The following MGAT4C variants were observed in gnomAD, a reference collection of about 807,000 sequenced individuals.
The protein encoded by MGAT4C is MGAT4 family member C.
Under a neutral mutation model 40.1 loss-of-function variants are expected in MGAT4C, and 19 were observed. That is an observed-to-expected ratio of 0.47 (90% CI 0.33 to 0.70). The LOEUF is 0.70. MGAT4C is among the 30% of genes least tolerant of loss of function. The pLI is 0.02. For missense variants in MGAT4C, 491 were observed against 563.2 expected, an observed-to-expected ratio of 0.87 and a Z score of 1.30; for synonymous variants, 181 against 187.1, an observed-to-expected ratio of 0.97 and a Z score of 0.27.
intron 1 of MGAT4C, among the ~76,000 whole-genome samples, chr12:86,806,720 G>A (rs1170813445): frequency 6.6e-6 from 1 of 152,042 alleles, no homozygotes; most frequent in East Asian, 1.9e-4. Context: ...CCTTTCTGGA[G>A]CTGGAAACCA....
intron 1 of MGAT4C, among the ~76,000 whole-genome samples, chr12:86,104,126 G>T (rs1266104160): frequency 6.6e-6 from 1 of 151,836 alleles, no homozygotes; most frequent in Non-Finnish European, 1.5e-5. Context: ...GTTGGAAATT[G>T]GGATAGATCA....
At chr12:86,638,993 AT>A (rs1431580987) in intron 2 of MGAT4C, among the ~76,000 whole-genome samples, 4 of 151,862 alleles carry the variant, frequency 2.6e-5, no homozygotes. Flanking sequence ...ATTTTAAAAA[AT>A]AATATTTCTA....
chr12:86,122,775 TGTGTATATGTTC>T (rs1316361424), intron 1 of MGAT4C, among the ~76,000 whole-genome samples: 3 of 144,136 alleles, frequency 2.1e-5, no homozygotes, highest in African/African-American at 8.0e-5. Flanking sequence ...TGTGTGTGTA[TGTGTATATGTTC>T]GTGTGTGTGT....
At chr12:86,344,458 C>T (rs1954972940) in intron 3 of MGAT4C, among the ~76,000 whole-genome samples, 1 of 152,098 alleles carries the variant, frequency 6.6e-6, no homozygotes, top group African/African-American at 2.4e-5. Context: ...GAAACATGAA[C>T]TGACTTCTGA....
At chr12:86,413,127 A>T (rs1295333419) in intron 3 of MGAT4C, among the ~76,000 whole-genome samples, 1 of 152,046 alleles carries the variant, frequency 6.6e-6, no homozygotes, top group African/African-American at 2.4e-5. Context: ...TGTGTGTCTG[A>T]TAAATAAAAA....
chr12:86,592,101 TTAAG>T (rs1961352769), intron 2 of MGAT4C, among the ~76,000 whole-genome samples: 1 of 152,068 alleles, frequency 6.6e-6, no homozygotes, highest in African/African-American at 2.4e-5. Flanking sequence ...TTAAGGAATC[TTAAG>T]TTAGGAAGCA....
At chr12:86,132,353 T>C (rs942136252) in intron 1 of MGAT4C, among the ~76,000 whole-genome samples, 1 of 149,380 alleles carries the variant, frequency 6.7e-6, no homozygotes, top group Non-Finnish European at 1.5e-5. Context: ...CAACAGTGTT[T>C]AGACGATTCT....
intron 4 of MGAT4C, among the ~76,000 whole-genome samples, chr12:86,272,774 G>T (rs1303725145): frequency 6.6e-6 from 1 of 152,042 alleles, no homozygotes; most frequent in African/African-American, 2.4e-5. Context: ...GTCACATTGA[G>T]CCTGGGAGGT....
At chr12:86,065,234 C>A (rs1894420709) in intron 1 of MGAT4C, among the ~76,000 whole-genome samples, 1 of 152,246 alleles carries the variant, frequency 6.6e-6, no homozygotes, top group Admixed American at 6.5e-5. Flanking sequence ...ATCCTAATAC[C>A]AAAACATGGC....
rs377032479 is a variant in MGAT4C, at chr12:86,756,264, A to G, written c.-261-29023T>C. Among the ~76,000 whole-genome samples, 12 of 152,246 alleles carry G rather than the reference A, an allele frequency of 7.9e-5. No individual in the cohort carries two copies. In the East Asian group the frequency reaches 1.2e-3, roughly 15 times the overall value. On this transcript the variant is annotated intron_variant, in intron 1 of 7. Transcript: ENST00000548651. ...TTTTCCTTGGTGAGTTCATACAGAGAGAGAGCAGGATAAAGTTCTCTGGTA... is the reference window on the plus strand; with the variant it reads ...TTTTCCTTGGTGAGTTCATACAGAGGGAGAGCAGGATAAAGTTCTCTGGTA...
chr12:86,609,071 T>TGCATTATTA, intron 2 of MGAT4C, among the ~76,000 whole-genome samples: 1 of 152,112 alleles, frequency 6.6e-6, no homozygotes, highest in East Asian at 1.9e-4. Flanking sequence ...ATGCTAAAAA[T>TGCATTATTA]GCATTATTAG....
chr12:86,831,685 T>G (rs1434811337), intron 1 of MGAT4C, among the ~76,000 whole-genome samples: 2 of 151,864 alleles, frequency 1.3e-5, no homozygotes, highest in African/African-American at 4.8e-5. Context: ...ATTGTTCTCC[T>G]GTGTCCAGGA....
chr12:86,487,299 A>T (rs1011828233), intron 2 of MGAT4C, among the ~76,000 whole-genome samples: 1 of 152,082 alleles, frequency 6.6e-6, no homozygotes, highest in South Asian at 2.1e-4. Flanking sequence ...CCAACTTTCC[A>T]CTTTGATACA....
intron 2 of MGAT4C, among the ~76,000 whole-genome samples, chr12:86,487,015 G>A (rs980126533): frequency 4.6e-5 from 7 of 152,186 alleles, no homozygotes; most frequent in African/African-American, 1.7e-4. Context: ...ATGCTTGCAA[G>A]AGACTGGTGT....
intron 2 of MGAT4C, among the ~76,000 whole-genome samples, chr12:86,574,689 A>C (rs1960493791): frequency 6.6e-6 from 1 of 151,830 alleles, no homozygotes. Context: ...ATTAAAAATT[A>C]TTCCTCATTT....
chr12:86,680,657 A>G (rs1949965259), intron 2 of MGAT4C, among the ~76,000 whole-genome samples: 1 of 152,104 alleles, frequency 6.6e-6, no homozygotes, highest in South Asian at 2.1e-4. Context: ...AGGCTTAGAC[A>G]TAAAATAGCA....
At chr12:85,992,024 A>G (rs1886006262) in intron 2 of MGAT4C, among the ~76,000 whole-genome samples, 1 of 152,194 alleles carries the variant, frequency 6.6e-6, no homozygotes, top group Admixed American at 6.5e-5. Context: ...GTTTCTGGCC[A>G]GAAAAGCAAC....
At chr12:86,526,349 A>G (rs1958882798) in intron 2 of MGAT4C, among the ~76,000 whole-genome samples, 1 of 152,104 alleles carries the variant, frequency 6.6e-6, no homozygotes, top group African/African-American at 2.4e-5. Context: ...GGCAGCGTGC[A>G]TGTACACATG....
intron 2 of MGAT4C, among the ~76,000 whole-genome samples, chr12:86,481,794 T>C (rs1254127513): frequency 1.1e-4 from 17 of 151,976 alleles, no homozygotes; most frequent in Non-Finnish European, 1.5e-5. Flanking sequence ...TTTTCACTTT[T>C]TTTAAAGAGA....
Sources: allele counts gnomAD v4.1 joint callset (sites outside exome capture counted in the v4.1 genomes callset), GRCh38; gene constraint gnomAD v4.1.1; transcripts MANE v1.5; gene names NCBI Gene and HGNC (gene_info 2026-07-23, HGNC 2026-07-21).